The following SLC9A9 variants were observed in gnomAD, a reference collection of about 807,000 sequenced individuals.
SLC9A9 encodes the protein solute carrier family 9 member A9.
In SLC9A9, 62 loss-of-function variants were observed where a neutral mutation model predicts 77.8. The observed-to-expected ratio is 0.80, with a 90% CI of 0.65 to 0.98. The LOEUF is 0.98. Among genes scored for constraint, SLC9A9 ranks in the 50% least tolerant of loss-of-function variants. The pLI, the probability that SLC9A9 is intolerant of heterozygous loss-of-function variation, is 0.00. For synonymous variants in SLC9A9, 320 were observed against 283.5 expected (o/e 1.13, Z -1.29); for missense variants, 775 against 774.9 (o/e 1.00, Z 0.00).
intron 4 of SLC9A9, among the ~76,000 whole-genome samples, chr3:143,708,495 C>T (rs1263780153): frequency 6.6e-6 from 1 of 152,106 alleles, no homozygotes; most frequent in African/African-American, 2.4e-5. Flanking sequence ...CTGGGTATCC[C>T]ACCTTCTTCC....
intron 5 of SLC9A9, among the ~76,000 whole-genome samples, chr3:143,685,145 C>T (rs1343523873): frequency 1.3e-5 from 2 of 151,886 alleles, no homozygotes; most frequent in Admixed American, 1.3e-4. Flanking sequence ...AAAAAGAAAA[C>T]AAGTAAAATT....
At chr3:143,321,305 T>C (rs547367605) in intron 14 of SLC9A9, among the ~76,000 whole-genome samples, 4 of 152,336 alleles carry the variant, frequency 2.6e-5, no homozygotes, top group African/African-American at 9.6e-5. Context: ...CAAGGCAGTA[T>C]GTTTTTAATC....
At chr3:143,829,833 C>T (rs2009389306) in intron 2 of SLC9A9, among the ~76,000 whole-genome samples, 1 of 152,076 alleles carries the variant, frequency 6.6e-6, no homozygotes, top group South Asian at 2.1e-4. Flanking sequence ...AATGTGAAGG[C>T]CCCATGTTAG....
chr3:143,419,099 C>A (rs960365993), intron 12 of SLC9A9, among the ~76,000 whole-genome samples: 1 of 152,098 alleles, frequency 6.6e-6, no homozygotes, highest in African/African-American at 2.4e-5. Flanking sequence ...GACCAAGAAC[C>A]CATTTTCTTA....
chr3:143,571,327 T>C (rs1211804043), intron 8 of SLC9A9, among the ~76,000 whole-genome samples: 1 of 152,218 alleles, frequency 6.6e-6, no homozygotes, highest in African/African-American at 2.4e-5. Flanking sequence ...ATCATTTTTT[T>C]AAGTTTTCTA....
At chr3:143,707,369 TACACACACACACAC>T (rs67386185) in intron 4 of SLC9A9, among the ~76,000 whole-genome samples, 2 of 149,126 alleles carry the variant, frequency 1.3e-5, no homozygotes, top group East Asian at 2.0e-4. Context: ...TTTTAAAATC[TACACACACACACAC>T]ACACACACAC....
chr3:143,449,842 TA>T (rs1279582487), intron 12 of SLC9A9, among the ~76,000 whole-genome samples: 10 of 34,662 alleles, frequency 2.9e-4, no homozygotes, highest in East Asian at 0.023. Context: ...TTATATGTAT[TA>T]TATATATATA....
chr3:143,846,661 C>T (rs964985263), intron 1 of SLC9A9, among the ~76,000 whole-genome samples: 21 of 151,734 alleles, frequency 1.4e-4, no homozygotes, highest in Non-Finnish European at 2.9e-4. Flanking sequence ...GGAGACCAGC[C>T]TGGGCAACAT....
intron 13 of SLC9A9, among the ~76,000 whole-genome samples, chr3:143,378,173 A>G (rs1326735374): frequency 6.6e-6 from 1 of 152,194 alleles, no homozygotes; most frequent in Non-Finnish European, 1.5e-5. Flanking sequence ...CCAATAGAGT[A>G]TATACTCTGG....
intron 4 of SLC9A9, among the ~76,000 whole-genome samples, chr3:143,706,876 A>G (rs191514106): frequency 6.6e-6 from 1 of 152,304 alleles, no homozygotes; most frequent in East Asian, 1.9e-4. Flanking sequence ...GGCTCAAGAT[A>G]ATCCTTCTTA....
intron 2 of SLC9A9, among the ~76,000 whole-genome samples, chr3:143,814,693 A>G (rs1469633563): frequency 3.3e-5 from 5 of 152,204 alleles, no homozygotes; most frequent in African/African-American, 1.2e-4. Flanking sequence ...AAACAGAAAG[A>G]GATGTAAGAA....
At chr3:143,357,373 C>T (rs1559881221) in intron 14 of SLC9A9, among the ~76,000 whole-genome samples, 1 of 152,130 alleles carries the variant, frequency 6.6e-6, no homozygotes, top group Non-Finnish European at 1.5e-5. Context: ...TGCCTACCCT[C>T]AGTACCTAGT....
chr3:143,730,642 T>C (rs1472411716), intron 4 of SLC9A9, among the ~76,000 whole-genome samples: 1 of 152,258 alleles, frequency 6.6e-6, no homozygotes, highest in Non-Finnish European at 1.5e-5. Flanking sequence ...TATGTTATTA[T>C]CATCTGTTAA....
At chr3:143,507,354 C>T (rs1179899708) in intron 9 of SLC9A9, among the ~76,000 whole-genome samples, 1 of 152,048 alleles carries the variant, frequency 6.6e-6, no homozygotes, top group Non-Finnish European at 1.5e-5. Flanking sequence ...ACTACAGGTG[C>T]CCGCCACAGC....
intron 4 of SLC9A9, among the ~76,000 whole-genome samples, chr3:143,788,058 A>G (rs1326005802): frequency 6.6e-6 from 1 of 152,116 alleles, no homozygotes; most frequent in Non-Finnish European, 1.5e-5. Flanking sequence ...CCAATAAAAT[A>G]AAATTAAAAG....
At chr3:143,719,988 T>G (rs916715611) in intron 4 of SLC9A9, among the ~76,000 whole-genome samples, 4 of 152,080 alleles carry the variant, frequency 2.6e-5, no homozygotes, top group Non-Finnish European at 4.4e-5. Flanking sequence ...ATTTATATAA[T>G]AAATTTACTT....
At chr3:143,330,010 T>G (rs1462266965) in intron 14 of SLC9A9, among the ~76,000 whole-genome samples, 1 of 152,046 alleles carries the variant, frequency 6.6e-6, no homozygotes, top group African/African-American at 2.4e-5. Context: ...AAAAAGAAAA[T>G]GCTGGCGGCG....
intron 4 of SLC9A9, among the ~76,000 whole-genome samples, chr3:143,700,804 A>G (rs973449839): frequency 2.6e-5 from 4 of 152,240 alleles, no homozygotes; most frequent in African/African-American, 7.2e-5. Context: ...GTGGAGCCCA[A>G]GGGCCTGGCA....
intron 8 of SLC9A9, among the ~76,000 whole-genome samples, chr3:143,557,647 C>G (rs1049100251): frequency 6.6e-6 from 1 of 152,258 alleles, no homozygotes; most frequent in Middle Eastern, 3.4e-3. Context: ...AGATGAGGAA[C>G]TTGTTGGGAA....
Sources: allele counts gnomAD v4.1 joint callset (sites outside exome capture counted in the v4.1 genomes callset), GRCh38; gene constraint gnomAD v4.1.1; transcripts MANE v1.5; gene names NCBI Gene and HGNC (gene_info 2026-07-23, HGNC 2026-07-21).